The following BBS9 variants were observed in gnomAD, a reference collection of about 807,000 sequenced individuals.
BBS9 encodes the protein protein PTHB1.
Under a neutral mutation model 117.7 loss-of-function variants are expected in BBS9, and 89 were observed. The ratio of observed to expected loss-of-function variants is 0.76; its 90% CI spans 0.64 to 0.90. The LOEUF (loss-of-function observed/expected upper bound fraction) is 0.90. Ranked by LOEUF, BBS9 falls within the 40% of genes least tolerant of loss-of-function variation. The probability of loss-of-function intolerance (pLI) is 0.00; values close to 1 mark genes in which losing one functional copy is unlikely to be tolerated. For synonymous variants in BBS9, 379 were observed against 370.9 expected (o/e 1.02, Z -0.25); for missense variants, 982 against 1,042.2 (o/e 0.94, Z 0.80).
At chr7:33,410,903 A>G (rs991856223) in intron 19 of BBS9, among the ~76,000 whole-genome samples, 4 of 151,284 alleles carry the variant, frequency 2.6e-5, no homozygotes, top group African/African-American at 9.7e-5. Context: ...CGTAAGATCC[A>G]TAGTACTTTT....
At chr7:33,597,551 T>C (rs1339715480) in intron 21 of BBS9, among the ~76,000 whole-genome samples, 1 of 151,972 alleles carries the variant, frequency 6.6e-6, no homozygotes, top group Non-Finnish European at 1.5e-5. Flanking sequence ...TGCAAGAAAA[T>C]AAACCAGCAA....
intron 1 of BBS9, among the ~76,000 whole-genome samples, chr7:33,137,239 C>A (rs1456843036): frequency 1.3e-5 from 2 of 152,154 alleles, no homozygotes; most frequent in African/African-American, 4.8e-5. Flanking sequence ...AACTTTGGTT[C>A]GAAATTGGAG....
intron 5 of BBS9, among the ~76,000 whole-genome samples, chr7:33,186,309 A>G (rs1783119782): frequency 6.6e-6 from 1 of 152,200 alleles, no homozygotes; most frequent in Non-Finnish European, 1.5e-5. Flanking sequence ...CTTATTTTGT[A>G]TCAGGCAGTG....
At chr7:33,599,113 C>T (rs1863396560) in intron 21 of BBS9, among the ~76,000 whole-genome samples, 1 of 152,124 alleles carries the variant, frequency 6.6e-6, no homozygotes, top group Non-Finnish European at 1.5e-5. Context: ...ATTTGAATTA[C>T]AAAGTAGGTT....
chr7:33,467,435 TC>T (rs1196402803), intron 19 of BBS9, among the ~76,000 whole-genome samples: 4 of 152,168 alleles, frequency 2.6e-5, no homozygotes, highest in African/African-American at 9.7e-5. Flanking sequence ...ATTTGTGATT[TC>T]CTATTCCTAG....
At position 33,605,350 on chromosome 7, in the gene BBS9, T is replaced by A. The variant is rs1585460225; in HGVS notation, c.*124T>A. 2 of 1,008,226 alleles carry A rather than the reference T, an allele frequency of 2.0e-6. No individual in the cohort carries two copies. Among genetic ancestry groups the A allele is most frequent in the East Asian group, 4.8e-5 (2 of 41,834 alleles). 62.5% of individuals were successfully genotyped at this position (1,008,226 alleles called of 1,614,324 possible). On this transcript the variant is annotated 3_prime_UTR_variant, in exon 23 of 23. Transcript: ENST00000242067. ...TTCCTAAAGCTCACCTTCCTGGAGA[T>A]GACATGCATAGAAAGAGGGGTTGGG...
At chr7:33,533,354 C>T (rs1399685631) in intron 20 of BBS9, among the ~76,000 whole-genome samples, 1 of 152,224 alleles carries the variant, frequency 6.6e-6, no homozygotes, top group Non-Finnish European at 1.5e-5. Context: ...CATTTACCGT[C>T]ACCTGGACAG....
chr7:33,451,178 G>A (rs923299530), intron 19 of BBS9, among the ~76,000 whole-genome samples: 8 of 152,068 alleles, frequency 5.3e-5, no homozygotes, highest in South Asian at 2.1e-4. Context: ...GTGAGCCACC[G>A]TGCCCAGCCC....
rs77649551 is a variant in BBS9 at position 33,332,986 on chromosome 7, C to T, written c.1017-3455C>T. Reference sequence around the variant, plus strand: ...CTTTTTCATCTTTACAAGACTGTATCTCTCAACCCCCTCCCCCAGCCCCTG... The same window carrying T: ...CTTTTTCATCTTTACAAGACTGTATTTCTCAACCCCCTCCCCCAGCCCCTG... On this transcript the variant is annotated intron_variant, in intron 9 of 22. Transcript: ENST00000242067. Among the ~76,000 whole-genome samples the T allele has an allele frequency of 5.3e-5, 8 of 152,212 alleles. No homozygotes were observed. The East Asian group carries it at 1.4e-3, about 26-fold the overall frequency.
intron 9 of BBS9, among the ~76,000 whole-genome samples, chr7:33,289,770 G>A (rs895837490): frequency 6.6e-6 from 1 of 152,180 alleles, no homozygotes; most frequent in African/African-American, 2.4e-5. Context: ...GGGGCCAGGT[G>A]TGGTGGCTCA....
intron 20 of BBS9, among the ~76,000 whole-genome samples, chr7:33,512,196 G>T (rs758267514): frequency 2.0e-5 from 3 of 152,170 alleles, no homozygotes; most frequent in Non-Finnish European, 4.4e-5. Context: ...CCTCACTACA[G>T]TTGAATATGG....
chr7:33,542,283 C>T (rs898432308), intron 21 of BBS9, among the ~76,000 whole-genome samples: 1 of 151,988 alleles, frequency 6.6e-6, no homozygotes, highest in Non-Finnish European at 1.5e-5. Flanking sequence ...CGGGGTTTCA[C>T]CATATTGGTC....
chr7:33,387,725 A>G (rs1826283167), intron 18 of BBS9, among the ~76,000 whole-genome samples: 1 of 152,150 alleles, frequency 6.6e-6, no homozygotes, highest in South Asian at 2.1e-4. Context: ...CATGTAACCA[A>G]TTATTGAAAA....
intron 19 of BBS9, among the ~76,000 whole-genome samples, chr7:33,397,637 G>A (rs140057988): frequency 6.6e-6 from 1 of 152,278 alleles, no homozygotes; most frequent in African/African-American, 2.4e-5. Context: ...CTATGCAGCT[G>A]TAAAAAGGAA....
intron 9 of BBS9, among the ~76,000 whole-genome samples, chr7:33,327,381 T>C (rs1205550790): frequency 6.6e-6 from 1 of 152,156 alleles, no homozygotes; most frequent in Non-Finnish European, 1.5e-5. Flanking sequence ...GGCTGGTTAA[T>C]AGCAGTTATC....
chr7:33,343,973 A>G (rs1454436267), intron 11 of BBS9, among the ~76,000 whole-genome samples: 1 of 152,120 alleles, frequency 6.6e-6, no homozygotes, highest in Non-Finnish European at 1.5e-5. Context: ...TCTATGCAAT[A>G]TAAATAACAA....
At chr7:33,431,581 A>G (rs747216228) in intron 19 of BBS9, among the ~76,000 whole-genome samples, 3 of 152,146 alleles carry the variant, frequency 2.0e-5, no homozygotes, top group Admixed American at 6.5e-5. Flanking sequence ...CCCTTTTACC[A>G]TGTGGGAACA....
At chr7:33,186,757 T>A (rs1278005132) in intron 5 of BBS9, among the ~76,000 whole-genome samples, 4 of 152,176 alleles carry the variant, frequency 2.6e-5, no homozygotes, top group African/African-American at 9.7e-5. Context: ...TTTTTAAAAT[T>A]TAAATCCAAG....
At chr7:33,272,895 A>T in intron 7 of BBS9, 117 bp from the exon 8 acceptor site, 1 of 978,474 alleles carries the variant, frequency 1.0e-6, no homozygotes, top group Non-Finnish European at 1.6e-6. Context: ...GAAAGAGATT[A>T]GCCCATCTTT....
Sources: allele counts gnomAD v4.1 joint callset (sites outside exome capture counted in the v4.1 genomes callset), GRCh38; gene constraint gnomAD v4.1.1; transcripts MANE v1.5; gene names NCBI Gene and HGNC (gene_info 2026-07-23, HGNC 2026-07-21).